The following HMCN2 variants were observed in gnomAD, a reference collection of about 807,000 sequenced individuals.
HMCN2 encodes the protein hemicentin 2.
HMCN2 carries 325 observed loss-of-function variants against 377.5 expected under a neutral mutation model. That is an observed-to-expected ratio of 0.86 (90% CI 0.79 to 0.94). The LOEUF is 0.94. Among genes scored for constraint, HMCN2 ranks in the 40% least tolerant of loss-of-function variants. HMCN2 has a pLI of 0.00. For synonymous variants in HMCN2, 2,007 were observed against 2,046.8 expected (o/e 0.98, Z 0.53); for missense variants, 4,543 against 4,725.3 (o/e 0.96, Z 1.13).
chr9:130,378,010 A>T (rs1461212924), intron 53 of HMCN2, among the ~76,000 whole-genome samples: 1 of 152,130 alleles, frequency 6.6e-6, no homozygotes, highest in East Asian at 1.9e-4. Flanking sequence ...TGTGGCCCCA[A>T]ACCACAGAAT....
In HMCN2 at chr9:130,304,090, A is replaced by G. The variant is rs893042348; in HGVS notation, c.1543+482A>G. The stretch of plus-strand genomic sequence containing the variant: ...AGCGTGGAAAGATCAGCCACTCTAC[A>G]TAGACAGCCAGAAACTACACATGCT... On this transcript the variant is annotated intron_variant, in intron 10 of 97. Transcript: ENST00000683500. This position sits in a 1 kb window ranked among gnomAD's most constrained non-coding sequence, Gnocchi z 4.3. Among the ~76,000 whole-genome samples, 1 of 152,270 alleles carries G rather than the reference A, an allele frequency of 6.6e-6. No homozygotes were observed. The highest frequency in any genetic ancestry group is 1.9e-4 in the East Asian group (1 of 5,202).
At chr9:130,311,684 G>T (rs1369736026) in intron 15 of HMCN2, among the ~76,000 whole-genome samples, 1 of 152,154 alleles carries the variant, frequency 6.6e-6, no homozygotes, top group African/African-American at 2.4e-5. Context: ...TGACGAGCTG[G>T]GGAACAGTGT....
At position 130,391,682 on chromosome 9, in the gene HMCN2, C is replaced by T. The variant is rs1842329995; in HGVS notation, c.9952+108C>T. ...GTGTCCTGGGCCACGGGTCTCACTT[C>T]CCTGGGCCTCCATGGCCCATCCTCA... is the stretch of plus-strand genomic sequence containing the variant. On this transcript the variant is annotated intron_variant, in intron 65 of 97. Coordinates refer to ENST00000683500, the MANE Select transcript of HMCN2 (RefSeq NM_001291815.2). The T allele has an allele frequency of 6.4e-6, 6 of 939,984 alleles. No homozygotes were observed. The South Asian group carries it at 2.9e-4, about 46-fold the overall frequency. 58.2% of individuals were successfully genotyped at this position (939,984 alleles called of 1,614,324 possible).
intron 95 of HMCN2, 98 bp from the exon 96 acceptor site, chr9:130,431,269 G>T: frequency 8.0e-7 from 1 of 1,244,010 alleles, no homozygotes. Flanking sequence ...GGCAGCTCCA[G>T]AGCCCAGCGG....
intron 54 of HMCN2, among the ~76,000 whole-genome samples, chr9:130,381,315 G>A (rs541450940): frequency 1.6e-3 from 246 of 152,136 alleles, no homozygotes; most frequent in African/African-American, 5.7e-3. Flanking sequence ...ACCCTAACCA[G>A]GCCCCCACTG....
At position 130,393,307 on chromosome 9, in the gene HMCN2, A is replaced by C. The variant is rs1227181464; in HGVS notation, c.10232A>C (p.Gln3411Pro). ...VADRNFTLQV[Q>P]VPPVLEPVEF... ...GACAGGAACTTCACCTTGCAGGTGCAGGGTATGGAGCAGGGGGTGGGGCAA... is the reference window on the plus strand; with the variant it reads ...GACAGGAACTTCACCTTGCAGGTGCCGGGTATGGAGCAGGGGGTGGGGCAA... Residue 3411 changes from glutamine (Q) to proline (P), a missense_variant and splice_region_variant, in exon 67 of 98, where the codon CAG becomes CCG. Physicochemically the swap from Gln to Pro is moderately conservative, Grantham distance 76. Coordinates refer to ENST00000683500, the MANE Select transcript of HMCN2 (RefSeq NM_001291815.2). This position sits in a 1 kb window ranked among gnomAD's most constrained non-coding sequence, Gnocchi z 5.2. 1 of 988,566 alleles carries C rather than the reference A, an allele frequency of 1.0e-6. No individual in the cohort carries two copies. The highest frequency in any genetic ancestry group is 1.2e-6 in the Non-Finnish European group (1 of 830,514). The allele number at this position is 988,566 out of a possible 1,614,324, so 61.2% of individuals were successfully genotyped here.
At chr9:130,367,784 A>G (rs1162340938) in intron 43 of HMCN2, among the ~76,000 whole-genome samples, 2 of 151,886 alleles carry the variant, frequency 1.3e-5, no homozygotes, top group Non-Finnish European at 2.9e-5. Flanking sequence ...CTACTAAAAA[A>G]TACAAAAATT....
chr9:130,385,834 G>A lies in HMCN2; in HGVS notation c.9309+72G>A, dbSNP rs138745341. The A allele has an allele frequency of 5.1e-4, 560 of 1,090,188 alleles. 6 individuals are homozygous for A. The African/African-American group carries it at 8.4e-3, about 16-fold the overall frequency. 67.5% of individuals were successfully genotyped at this position (1,090,188 alleles called of 1,614,324 possible). A position where few individuals can be genotyped will look rare whatever the true frequency, so the allele number is the denominator to read the frequency against. On this transcript the variant is annotated intron_variant, in intron 60 of 97. Coordinates refer to ENST00000683500, the MANE Select transcript of HMCN2 (RefSeq NM_001291815.2). ...TCGCCTCCCAGCCCTGGCGAGCTGC[G>A]GGGAGGAAGGTGGGCAGGATGTGAG...
In HMCN2 at chr9:130,433,378, C is replaced by T; in HGVS notation, c.14925C>T (p.Cys4975=). The T allele has an allele frequency of 1.4e-6, 2 of 1,477,108 alleles. No individual in the cohort carries two copies. The highest frequency in any genetic ancestry group is 1.8e-6 in the Non-Finnish European group (2 of 1,121,732). The allele number at this position is 1,477,108 out of a possible 1,614,324, so 91.5% of individuals were successfully genotyped here. ...GCTTCCGGCGCTGCTCGCAGGACTG[C>T]GGCACGGGCGGCCCCTCTACGCTGC... ...GTCFRRCSQD[C]GTGGPSTLQY... Residue 4975 remains cysteine (C), a synonymous_variant, in exon 98 of 98, where the codon TGC becomes TGT. Coordinates refer to ENST00000683500, the MANE Select transcript of HMCN2 (RefSeq NM_001291815.2).
chr9:130,354,657 A>G, intron 31 of HMCN2, 106 bp from the exon 32 acceptor site: 2 of 975,336 alleles, frequency 2.1e-6, no homozygotes, highest in Non-Finnish European at 2.7e-6. Context: ...GAAGTGTTTC[A>G]CATGGAGTGG....
chr9:130,410,370 A>G (rs765837231), intron 84 of HMCN2, among the ~76,000 whole-genome samples: 10 of 152,158 alleles, frequency 6.6e-5, no homozygotes, highest in Admixed American at 2.0e-4. Context: ...CGGGTGTGAA[A>G]AGGGGCTGGA....
chr9:130,298,690 AGCC>A (rs1411357688), intron 7 of HMCN2, among the ~76,000 whole-genome samples: 1 of 152,114 alleles, frequency 6.6e-6, no homozygotes, highest in Non-Finnish European at 1.5e-5. Flanking sequence ...CATTCCCTGA[AGCC>A]TGTCTGATTA....
chr9:130,365,761 G>A, intron 42 of HMCN2, 34 bp downstream of exon 42: 1 of 980,554 alleles, frequency 1.0e-6, no homozygotes, highest in Non-Finnish European at 1.2e-6. Flanking sequence ...GGGGGAGGGG[G>A]CTGCTGCCTT....
chr9:130,352,383 GA>G (rs1564806608), intron 30 of HMCN2, among the ~76,000 whole-genome samples: 2 of 152,254 alleles, frequency 1.3e-5, no homozygotes, highest in Non-Finnish European at 2.9e-5. Flanking sequence ...AAAAAGCGGA[GA>G]GTAGAAAGTG....
At chr9:130,302,818 C>T (rs553521665) in intron 8 of HMCN2, 39 bp from the exon 9 acceptor site, 7 of 422,882 alleles carry the variant, frequency 1.7e-5, no homozygotes, top group Non-Finnish European at 2.5e-5. Flanking sequence ...GGCAAAGGGG[C>T]GGTGGGGAGA....
At chr9:130,406,537 T>G (rs959578769) in intron 82 of HMCN2, 1 of 260,194 alleles carries the variant, frequency 3.8e-6, no homozygotes, top group African/African-American at 2.2e-5. Context: ...CCAGGTGATG[T>G]CTAGGGAGAC....
intron 85 of HMCN2, among the ~76,000 whole-genome samples, chr9:130,415,761 C>T (rs1473187455): frequency 6.6e-6 from 1 of 152,236 alleles, no homozygotes; most frequent in Non-Finnish European, 1.5e-5. Flanking sequence ...GGGAGCCAAT[C>T]CAGCCTGTCC....
chr9:130,354,413 G>A (rs753536212), intron 31 of HMCN2, among the ~76,000 whole-genome samples: 2 of 152,200 alleles, frequency 1.3e-5, no homozygotes, highest in Non-Finnish European at 2.9e-5. Flanking sequence ...GCTCTGTCCC[G>A]GCCCTGGGGG....
chr9:130,373,163 G>A (rs959070952), intron 48 of HMCN2, 39 bp downstream of exon 48: 32 of 826,082 alleles, frequency 3.9e-5, no homozygotes, highest in South Asian at 1.1e-4. Flanking sequence ...GAGAAGGGGC[G>A]GGAAGGCACC....
Sources: gnomAD v4.1 joint callset for allele counts (sites outside exome capture counted in the v4.1 genomes callset) on GRCh38, gnomAD v4.1.1 for gene constraint, Gnocchi (gnomAD v3.1) non-coding constraint, MANE v1.5 for transcripts, NCBI Gene and HGNC (gene_info 2026-07-23, HGNC 2026-07-21) for gene names.